DYNC1I1: variants seen among roughly 807,000 people sequenced by gnomAD.
DYNC1I1 encodes the protein dynein cytoplasmic 1 intermediate chain 1, also known as cytoplasmic dynein 1 intermediate chain 1.
A neutral mutation model predicts 86.6 loss-of-function variants in DYNC1I1; 43 were observed. That is an observed-to-expected ratio of 0.50 (90% CI 0.39 to 0.64). The LOEUF (loss-of-function observed/expected upper bound fraction) is 0.64. Among genes scored for constraint, DYNC1I1 ranks in the 30% least tolerant of loss-of-function variants. DYNC1I1 has a pLI of 0.00. For synonymous variants in DYNC1I1, 262 were observed against 283.7 expected, an observed-to-expected ratio of 0.92 and a Z score of 0.77; for missense variants, 604 against 788.8, an observed-to-expected ratio of 0.77 and a Z score of 2.81.
At chr7:96,036,285 C>A (rs561034940) in intron 13 of DYNC1I1, among the ~76,000 whole-genome samples, 1 of 152,254 alleles carries the variant, frequency 6.6e-6, no homozygotes, top group South Asian at 2.1e-4. Context: ...TTCATTCACT[C>A]TTCCAAGGAA....
At chr7:96,073,800 G>A (rs1384709870) in intron 14 of DYNC1I1, among the ~76,000 whole-genome samples, 2 of 152,172 alleles carry the variant, frequency 1.3e-5, no homozygotes, top group Non-Finnish European at 2.9e-5. Flanking sequence ...CTTCTACTGA[G>A]AGTTAGAATT....
chr7:96,033,110 G>T (rs17719398), intron 12 of DYNC1I1, among the ~76,000 whole-genome samples: 1 of 152,072 alleles, frequency 6.6e-6, no homozygotes, highest in Non-Finnish European at 1.5e-5. Flanking sequence ...AGATGCAGAC[G>T]AGGTTGGAGC....
intron 14 of DYNC1I1, among the ~76,000 whole-genome samples, chr7:96,061,681 C>T (rs1196120481): frequency 7.1e-6 from 1 of 140,472 alleles, no homozygotes; most frequent in Non-Finnish European, 1.5e-5. Context: ...CTCTCTCTCT[C>T]CCTCCCTCCC....
chr7:95,958,381 A>G (rs944396029), intron 6 of DYNC1I1, among the ~76,000 whole-genome samples: 1 of 152,186 alleles, frequency 6.6e-6, no homozygotes, highest in African/African-American at 2.4e-5. Flanking sequence ...ATTTGAAGTC[A>G]AGAGTTCAAG....
chr7:96,028,172 C>T lies in DYNC1I1; in HGVS notation c.970-3C>T, dbSNP rs369991411. 11 of 1,613,582 alleles carry T rather than the reference C, an allele frequency of 6.8e-6. No homozygotes were observed. The highest frequency in any genetic ancestry group is 1.3e-5 in the African/African-American group (1 of 74,908). On this transcript the variant is annotated splice_polypyrimidine_tract_variant and splice_region_variant and intron_variant, in intron 10 of 16. Transcript: ENST00000447467. ...TCTCTCTCTCTCTCCTTTTCCCTGA[C>T]AGTCCTCTGTGATGTCGGTCTGCTT...
At chr7:95,909,518 A>T (rs1791272987) in intron 6 of DYNC1I1, among the ~76,000 whole-genome samples, 1 of 152,032 alleles carries the variant, frequency 6.6e-6, no homozygotes. Flanking sequence ...CTGGAATGTG[A>T]AGGAATTGGA....
chr7:95,852,785 C>T (rs1157216626), intron 5 of DYNC1I1, among the ~76,000 whole-genome samples: 2 of 152,166 alleles, frequency 1.3e-5, no homozygotes, highest in African/African-American at 2.4e-5. Context: ...GGATTACAGG[C>T]GTGAGCCACC....
Position 96,076,039 on chromosome 7 carries a change from G to C in DYNC1I1, c.1510-18G>C. The C allele has an allele frequency of 1.2e-6, 2 of 1,609,216 alleles. No individual in the cohort carries two copies. Among genetic ancestry groups the C allele is most frequent in the African/African-American group, 1.3e-5 (1 of 74,944 alleles). ...AGCAGCAGCGCCACAAAGTCTTCACGGTCTCTCTGCTTTACAGCACAACAA... is the reference window on the plus strand; with the variant it reads ...AGCAGCAGCGCCACAAAGTCTTCACCGTCTCTCTGCTTTACAGCACAACAA... On this transcript the variant is annotated intron_variant, in intron 14 of 16. Transcript: ENST00000447467.
At chr7:95,968,928 T>TA (rs1431348472) in intron 6 of DYNC1I1, among the ~76,000 whole-genome samples, 3 of 151,038 alleles carry the variant, frequency 2.0e-5, no homozygotes, top group Non-Finnish European at 2.9e-5. Flanking sequence ...AGGATGGCCA[T>TA]AAAGGCTGTG....
At chr7:96,072,997 A>C (rs1790214288) in intron 14 of DYNC1I1, among the ~76,000 whole-genome samples, 1 of 152,220 alleles carries the variant, frequency 6.6e-6, no homozygotes, top group Non-Finnish European at 1.5e-5. Context: ...ATTGTAAGTG[A>C]CATTCGCCTG....
intron 10 of DYNC1I1, among the ~76,000 whole-genome samples, chr7:96,012,442 T>C (rs1794298436): frequency 6.6e-6 from 1 of 152,230 alleles, no homozygotes; most frequent in Non-Finnish European, 1.5e-5. Context: ...TAAATCTCTA[T>C]TCTGCCTGGA....
At chr7:96,009,273 T>C (rs1304026226) in intron 10 of DYNC1I1, among the ~76,000 whole-genome samples, 1 of 152,206 alleles carries the variant, frequency 6.6e-6, no homozygotes, top group Non-Finnish European at 1.5e-5. Flanking sequence ...CCCGTGAAGC[T>C]AAAAGCAGCT....
intron 5 of DYNC1I1, among the ~76,000 whole-genome samples, chr7:95,845,836 C>A (rs1789410603): frequency 6.6e-6 from 1 of 152,108 alleles, no homozygotes; most frequent in Non-Finnish European, 1.5e-5. Context: ...TTGTAATAAT[C>A]ATTTATTTGT....
chr7:96,048,011 G>T (rs2283011), intron 14 of DYNC1I1, among the ~76,000 whole-genome samples: 22,840 of 152,052 alleles, frequency 0.15, 1,909 homozygotes, highest in South Asian at 0.29. Context: ...ACATGGAAGT[G>T]GAGGGAGAAG....
intron 16 of DYNC1I1, among the ~76,000 whole-genome samples, chr7:96,085,340 C>T (rs1006257339): frequency 3.9e-5 from 6 of 152,262 alleles, no homozygotes; most frequent in African/African-American, 1.4e-4. Flanking sequence ...TCACTGAAAT[C>T]ACCAGACTGA....
chr7:95,993,874 G>T (rs896987386), intron 9 of DYNC1I1, among the ~76,000 whole-genome samples: 33 of 152,154 alleles, frequency 2.2e-4, no homozygotes, highest in Non-Finnish European at 2.9e-4. Context: ...TATAAGAAGA[G>T]AGTGATACGG....
chr7:95,794,321 T>C (rs1426654301), intron 1 of DYNC1I1, among the ~76,000 whole-genome samples: 1 of 152,214 alleles, frequency 6.6e-6, no homozygotes, highest in African/African-American at 2.4e-5. Flanking sequence ...TCAAGGATTC[T>C]ACTTGAGATT....
chr7:96,039,942 A>C (rs1437834213), intron 14 of DYNC1I1, among the ~76,000 whole-genome samples: 2 of 152,052 alleles, frequency 1.3e-5, no homozygotes, highest in African/African-American at 2.4e-5. Flanking sequence ...ATGTTTTTAA[A>C]GGTAATTCTG....
At chr7:96,040,516 G>A (rs1319574667) in intron 14 of DYNC1I1, among the ~76,000 whole-genome samples, 4 of 152,090 alleles carry the variant, frequency 2.6e-5, no homozygotes, top group Admixed American at 6.6e-5. Flanking sequence ...TGGGCAGCTG[G>A]TGAGTGTAGC....
Sources: allele counts gnomAD v4.1 joint callset (sites outside exome capture counted in the v4.1 genomes callset), GRCh38; gene constraint gnomAD v4.1.1; transcripts MANE v1.5; gene names NCBI Gene and HGNC (gene_info 2026-07-23, HGNC 2026-07-21).